The following SAE1 variants were observed in gnomAD, a reference collection of about 807,000 sequenced individuals.
The protein encoded by SAE1 is SUMO1 activating enzyme subunit 1.
A neutral mutation model predicts 40.6 loss-of-function variants in SAE1; 11 were observed. That is an observed-to-expected ratio of 0.27 (90% CI 0.17 to 0.45). The LOEUF (loss-of-function observed/expected upper bound fraction) is 0.45. Ranked by LOEUF, SAE1 falls within the 20% of genes least tolerant of loss-of-function variation. The pLI is 1.00. For synonymous variants in SAE1, 155 were observed against 154.3 expected (o/e 1.00, Z -0.03); for missense variants, 373 against 427.3 (o/e 0.87, Z 1.12).
chr19:47,197,254 A>T lies in SAE1; in HGVS notation c.755A>T (p.Asp252Val), dbSNP rs2058622049. 1 of 1,613,714 alleles carries T rather than the reference A, an allele frequency of 6.2e-7. No individual in the cohort carries two copies. The highest frequency in any genetic ancestry group is 8.5e-7 in the Non-Finnish European group (1 of 1,179,874). Residue 252 changes from aspartate (D) to valine (V), a missense_variant, in exon 7 of 9, where the codon GAT becomes GTT. Physicochemically the swap from Asp to Val is radical, Grantham distance 152. This residue lies in a region of SAE1 where 351 missense variants were observed against 390.6 expected (regional missense o/e 0.90). Coordinates refer to ENST00000270225, the MANE Select transcript of SAE1 (RefSeq NM_005500.3). ...CCAGTGCTCTTAAAGTTCCGTACAG[A>T]TAAAGGAAGAGATCCCAGTTCTGAT... ...LLQVLLKFRT[D>V]KGRDPSSDTY...
chr19:47,144,956 G>C (rs2058246225), intron 2 of SAE1, among the ~76,000 whole-genome samples: 1 of 151,638 alleles, frequency 6.6e-6, no homozygotes, highest in Admixed American at 6.6e-5. Flanking sequence ...CTCAGCCTCT[G>C]AAGTAGCTGG....
intron 2 of SAE1, among the ~76,000 whole-genome samples, chr19:47,146,410 G>A (rs2058255773): frequency 6.6e-6 from 1 of 152,152 alleles, no homozygotes; most frequent in Non-Finnish European, 1.5e-5. Flanking sequence ...TAGTAGTTTA[G>A]GTGAGAGGTG....
At chr19:47,183,817 G>A (rs2058526115) in intron 6 of SAE1, among the ~76,000 whole-genome samples, 1 of 152,218 alleles carries the variant, frequency 6.6e-6, no homozygotes, top group African/African-American at 2.4e-5. Flanking sequence ...GATGCCTAGA[G>A]TCAAGGTCAT....
intron 2 of SAE1, among the ~76,000 whole-genome samples, chr19:47,144,389 C>T (rs1035531144): frequency 1.3e-5 from 2 of 151,098 alleles, no homozygotes; most frequent in African/African-American, 4.9e-5. Flanking sequence ...AGATGGTCCA[C>T]AGACATCACT....
chr19:47,163,856 G>C (rs921933337), intron 5 of SAE1, among the ~76,000 whole-genome samples: 1 of 152,022 alleles, frequency 6.6e-6, no homozygotes, highest in Non-Finnish European at 1.5e-5. Context: ...CGTGATCTCC[G>C]TCTCCCAGGT....
At chr19:47,147,226 T>C (rs2058259953) in intron 2 of SAE1, among the ~76,000 whole-genome samples, 1 of 134,870 alleles carries the variant, frequency 7.4e-6, no homozygotes, top group Non-Finnish European at 1.5e-5. Flanking sequence ...TTTTTTTTTT[T>C]TGAGGCAGTC....
At chr19:47,204,671 T>C (rs2058676782) in intron 8 of SAE1, among the ~76,000 whole-genome samples, 1 of 151,690 alleles carries the variant, frequency 6.6e-6, no homozygotes, top group Admixed American at 6.6e-5. Flanking sequence ...CACACCAGGC[T>C]AATTTTTGTA....
intron 6 of SAE1, among the ~76,000 whole-genome samples, chr19:47,193,676 A>T (rs1462827974): frequency 6.6e-6 from 1 of 151,820 alleles, no homozygotes; most frequent in Non-Finnish European, 1.5e-5. Context: ...AAATACAAAA[A>T]ATTAGCTGGG....
intron 1 of SAE1, among the ~76,000 whole-genome samples, chr19:47,133,036 T>C (rs1171317244): frequency 1.3e-5 from 2 of 152,194 alleles, no homozygotes; most frequent in East Asian, 3.8e-4. Context: ...AAGAGCCCTG[T>C]GGTCATCTGG....
intron 5 of SAE1, among the ~76,000 whole-genome samples, chr19:47,169,444 C>T (rs976005569): frequency 7.2e-5 from 11 of 152,158 alleles, no homozygotes; most frequent in African/African-American, 2.4e-4. Context: ...GGGGGTTTCA[C>T]CATGTTGGCC....
chr19:47,194,222 G>A (rs1373472520), intron 6 of SAE1, among the ~76,000 whole-genome samples: 1 of 152,174 alleles, frequency 6.6e-6, no homozygotes, highest in East Asian at 1.9e-4. Context: ...TAAGTGCCAG[G>A]CTGGTGGAGT....
chr19:47,134,234 G>T (rs1364915631), intron 1 of SAE1, among the ~76,000 whole-genome samples: 1 of 152,094 alleles, frequency 6.6e-6, no homozygotes, highest in Non-Finnish European at 1.5e-5. Flanking sequence ...TTGGGTGATG[G>T]TGGGTATTGT....
chr19:47,155,639 A>G lies in SAE1; in HGVS notation c.627+426A>G, dbSNP rs184320798. On this transcript the variant is annotated intron_variant, in intron 5 of 8. Transcript: ENST00000270225. ...GTATTTTTAGTAGAGACGGGGTTTC[A>G]CCATGTTGGCCAGGCTGGTCTCGAA... Among the ~76,000 whole-genome samples the G allele has an allele frequency of 1.5e-3, 224 of 151,406 alleles. 1 individual carries two copies. Among genetic ancestry groups the G allele is most frequent in the South Asian group, 1.7e-3 (8 of 4,778 alleles).
intron 6 of SAE1, among the ~76,000 whole-genome samples, chr19:47,178,662 A>G (rs1305693898): frequency 6.6e-6 from 1 of 152,088 alleles, no homozygotes; most frequent in African/African-American, 2.4e-5. Flanking sequence ...TAGTGGAGAC[A>G]GGGTTTCGCC....
At chr19:47,178,031 A>AAG (rs1338171642) in intron 6 of SAE1, among the ~76,000 whole-genome samples, 1 of 152,140 alleles carries the variant, frequency 6.6e-6, no homozygotes, top group Non-Finnish European at 1.5e-5. Context: ...TCATGAGGTC[A>AAG]AGAGATCGAG....
Position 47,169,815 on chromosome 19 carries a change from CAGA to C in SAE1, c.628_630del (p.Lys210del). 6.2e-7 allele frequency: 1 copy of C among 1,608,710 alleles called. No homozygotes were observed. Among genetic ancestry groups the C allele is most frequent in the Non-Finnish European group, 8.5e-7 (1 of 1,175,410 alleles). On this transcript the variant is annotated splice_acceptor_variant and coding_sequence_variant, in exon 6 of 9. Coordinates refer to ENST00000270225, the MANE Select transcript of SAE1 (RefSeq NM_005500.3). LOFTEE classifies it high-confidence loss of function. ...CCTAAGCAGTTCTGCCTTTTTTCCA[CAGA>C]AGGTGGTCTTCTGCCCTGTTAAAGA... is the stretch of plus-strand genomic sequence containing the variant.
At chr19:47,180,444 C>T (rs1019781218) in intron 6 of SAE1, 11 of 357,574 alleles carry the variant, frequency 3.1e-5, no homozygotes, top group Non-Finnish European at 5.0e-5. Flanking sequence ...TTGACTATCA[C>T]CATAGTAGTA....
chr19:47,133,738 T>C (rs2058161434), intron 1 of SAE1, among the ~76,000 whole-genome samples: 1 of 152,162 alleles, frequency 6.6e-6, no homozygotes, highest in African/African-American at 2.4e-5. Context: ...ATGACACCAC[T>C]GTTTTTGGCT....
At chr19:47,200,975 A>G (rs1013992538) in intron 7 of SAE1, among the ~76,000 whole-genome samples, 1 of 151,922 alleles carries the variant, frequency 6.6e-6, no homozygotes, top group African/African-American at 2.4e-5. Context: ...CTCCTGCCTC[A>G]GCCTCCTGAG....
Sources: allele counts gnomAD v4.1 joint callset (sites outside exome capture counted in the v4.1 genomes callset), GRCh38; gene constraint gnomAD v4.1.1; regional missense constraint gnomAD v4.1.1; transcripts MANE v1.5; gene names NCBI Gene and HGNC (gene_info 2026-07-23, HGNC 2026-07-21).